Variants in SLC24A2 observed in about 807,000 individuals in gnomAD.
The protein encoded by SLC24A2 is sodium/potassium/calcium exchanger 2.
Under a neutral mutation model 62.0 loss-of-function variants are expected in SLC24A2, and 36 were observed. The observed-to-expected ratio is 0.58, with a 90% CI of 0.44 to 0.77. The LOEUF (loss-of-function observed/expected upper bound fraction) is 0.77, where lower values mean the gene tolerates loss of function less well. SLC24A2 is among the 30% of genes least tolerant of loss of function. The probability of loss-of-function intolerance (pLI) is 0.00; values close to 1 mark genes in which losing one functional copy is unlikely to be tolerated. For missense variants in SLC24A2, 846 were observed against 817.9 expected, an observed-to-expected ratio of 1.03 and a Z score of -0.42; for synonymous variants, 358 against 294.0, an observed-to-expected ratio of 1.22 and a Z score of -2.23.
the SLC24A2 span, among the ~76,000 whole-genome samples, chr9:20,185,525 C>T: frequency 0.013 from 1,911 of 151,704 alleles, 29 homozygotes; most frequent in African/African-American, 0.04. Flanking sequence ...ATTAGCTGGG[C>T]GTGGTTGTGG....
chr9:20,197,592 C>T, the SLC24A2 span, among the ~76,000 whole-genome samples: 1 of 151,906 alleles, frequency 6.6e-6, no homozygotes, highest in Admixed American at 6.6e-5. Context: ...CCACCATGCC[C>T]AGCTAATTTT....
Position 19,516,036 on chromosome 9 carries a change from G to C in SLC24A2, c.*117C>G. On this transcript the variant is annotated 3_prime_UTR_variant, in exon 11 of 11. Transcript: ENST00000341998. ...ATCTCTCCTCAAATTCACCAAGGAG[G>C]GACACTTGGCACCCAGGGCTGTGTG... 2 of 1,271,204 alleles carry C rather than the reference G, an allele frequency of 1.6e-6. No homozygotes were observed. Among genetic ancestry groups the C allele is most frequent in the East Asian group, 4.6e-5 (2 of 43,148 alleles). The allele number at this position is 1,271,204 out of a possible 1,614,324, so 78.7% of individuals were successfully genotyped here. A position where few individuals can be genotyped will look rare whatever the true frequency, so the allele number is the denominator to read the frequency against.
chr9:20,176,266 A>G, the SLC24A2 span, among the ~76,000 whole-genome samples: 4 of 152,072 alleles, frequency 2.6e-5, no homozygotes, highest in African/African-American at 9.7e-5. Context: ...ATTTCTGAGT[A>G]TAATATCTTC....
the SLC24A2 span, among the ~76,000 whole-genome samples, chr9:20,200,522 G>A: frequency 3.3e-5 from 5 of 152,224 alleles, no homozygotes; most frequent in South Asian, 2.1e-4. Context: ...TCCGTGTAAC[G>A]GAAAGGGAAA....
the SLC24A2 span, among the ~76,000 whole-genome samples, chr9:19,815,601 C>T: frequency 3.3e-5 from 5 of 152,114 alleles, no homozygotes; most frequent in Non-Finnish European, 7.4e-5. Context: ...GCCATGGAAC[C>T]TATCCCTAGA....
chr9:19,580,138 G>A (rs1311786913), intron 5 of SLC24A2, among the ~76,000 whole-genome samples: 2 of 152,226 alleles, frequency 1.3e-5, no homozygotes, highest in East Asian at 3.8e-4. Context: ...GCAAGCCAAA[G>A]CAGCAAGGCT....
At chr9:19,631,461 A>C (rs913357293) in intron 2 of SLC24A2, among the ~76,000 whole-genome samples, 4 of 152,108 alleles carry the variant, frequency 2.6e-5, no homozygotes, top group African/African-American at 7.2e-5. Flanking sequence ...TAAAGACATC[A>C]TTTCACAACG....
chr9:19,823,623 G>T, the SLC24A2 span, among the ~76,000 whole-genome samples: 1 of 124,578 alleles, frequency 8.0e-6, no homozygotes, highest in East Asian at 2.1e-4. Flanking sequence ...GCAAGACTCA[G>T]TCTCAAAAAA....
chr9:20,049,481 G>T, the SLC24A2 span, among the ~76,000 whole-genome samples: 1 of 152,044 alleles, frequency 6.6e-6, no homozygotes, highest in South Asian at 2.1e-4. Flanking sequence ...AGTCACTATA[G>T]TAGGTGACAC....
intron 4 of SLC24A2, among the ~76,000 whole-genome samples, chr9:19,612,474 C>G (rs188113413): frequency 6.6e-6 from 1 of 152,050 alleles, no homozygotes; most frequent in African/African-American, 2.4e-5. Context: ...GCCAACATGC[C>G]CAGTGTATAT....
intron 2 of SLC24A2, among the ~76,000 whole-genome samples, chr9:19,636,309 C>CT (rs1194778524): frequency 2.5e-5 from 1 of 40,436 alleles, no homozygotes; most frequent in Non-Finnish European, 5.0e-5. Context: ...CTTTTCTTTT[C>CT]TTTTCTTTTC....
chr9:19,947,805 A>AGG, the SLC24A2 span, among the ~76,000 whole-genome samples: 2 of 59,120 alleles, frequency 3.4e-5, no homozygotes, highest in Non-Finnish European at 9.3e-5. Context: ...AAAAAAAAAA[A>AGG]AAAAAAGAAA....
the SLC24A2 span, among the ~76,000 whole-genome samples, chr9:19,874,926 G>A: frequency 1.6e-4 from 23 of 146,186 alleles, no homozygotes; most frequent in Non-Finnish European, 2.4e-4. Context: ...ATTTACAGAA[G>A]CACTTCTAGC....
intron 2 of SLC24A2, among the ~76,000 whole-genome samples, chr9:19,687,666 T>A (rs1423190528): frequency 6.6e-6 from 1 of 152,092 alleles, no homozygotes; most frequent in Admixed American, 6.6e-5. Context: ...ACCTTTACAC[T>A]TGACTTTGGT....
rs902002811 is a variant in SLC24A2 at position 19,573,539 on chromosome 9, G to C, written c.1229-70C>G. On this transcript the variant is annotated intron_variant, in intron 6 of 10. Coordinates refer to ENST00000341998, the MANE Select transcript of SLC24A2 (RefSeq NM_020344.4). ...ACACACACACACACACAGAGAGAGA[G>C]AGAGAGAGAGAGAGAAAGCAAATGG... 681 of 849,714 alleles carry C rather than the reference G, an allele frequency of 8.0e-4. 7 individuals carry two copies. In the African/African-American group the frequency reaches 9.3e-3, roughly 12 times the overall value. The allele number at this position is 849,714 out of a possible 1,614,324, so 52.6% of individuals were successfully genotyped here. A position where few individuals can be genotyped will look rare whatever the true frequency, so the allele number is the denominator to read the frequency against.
intron 7 of SLC24A2, among the ~76,000 whole-genome samples, chr9:19,563,828 C>A (rs369140575): frequency 6.0e-5 from 2 of 33,536 alleles, no homozygotes; most frequent in Admixed American, 6.5e-4. Flanking sequence ...CTTCCTTCCT[C>A]CCTCCCTCCC....
chr9:20,005,095 C>A, the SLC24A2 span, among the ~76,000 whole-genome samples: 8 of 152,108 alleles, frequency 5.3e-5, no homozygotes, highest in Admixed American at 2.0e-4. Flanking sequence ...AACTTAACAT[C>A]AAATCCATAG....
chr9:20,170,851 C>A, the SLC24A2 span, among the ~76,000 whole-genome samples: 4 of 151,994 alleles, frequency 2.6e-5, no homozygotes, highest in Admixed American at 1.3e-4. Context: ...CATCCAAATA[C>A]AAGAAGCTCA....
chr9:19,975,107 T>G, the SLC24A2 span, among the ~76,000 whole-genome samples: 1 of 152,178 alleles, frequency 6.6e-6, no homozygotes, highest in Non-Finnish European at 1.5e-5. Context: ...CTCAGCCAAG[T>G]GGAAACAGGA....
Sources: gnomAD v4.1 joint callset for allele counts (sites outside exome capture counted in the v4.1 genomes callset) on GRCh38, gnomAD v4.1.1 for gene constraint, MANE v1.5 for transcripts, NCBI Gene and HGNC (gene_info 2026-07-23, HGNC 2026-07-21) for gene names.